Variants in ERC2 observed in about 807,000 individuals in gnomAD.
ERC2 encodes the protein ELKS/RAB6-interacting/CAST family member 2.
A neutral mutation model predicts 114.8 loss-of-function variants in ERC2; 42 were observed. That is an observed-to-expected ratio of 0.37 (90% CI 0.29 to 0.47). The LOEUF (loss-of-function observed/expected upper bound fraction) is 0.47. Among genes scored for constraint, ERC2 ranks in the 20% least tolerant of loss-of-function variants. ERC2 has a pLI of 0.99. For synonymous variants in ERC2, 454 were observed against 425.5 expected, an observed-to-expected ratio of 1.07 and a Z score of -0.82; for missense variants, 939 against 1,150.7, an observed-to-expected ratio of 0.82 and a Z score of 2.66.
At chr3:56,029,954 G>T (rs553743865) in intron 7 of ERC2, among the ~76,000 whole-genome samples, 371 of 152,110 alleles carry the variant, frequency 2.4e-3, no homozygotes, top group Non-Finnish European at 3.6e-3. Context: ...AGCATCCAAT[G>T]CTTACATTTT....
rs114402672 is a variant in ERC2 at position 56,064,561 on chromosome 3, C to T, written c.1641+16256G>A. On this transcript the variant is annotated intron_variant, in intron 7 of 17. Coordinates refer to ENST00000288221, the MANE Select transcript of ERC2 (RefSeq NM_015576.3). Reference sequence around the variant, plus strand: ...CTTTATTCACAAAAAAGCTACAGAACGCAACAGAAACTAAGGAAGACCTCA... The same window carrying T: ...CTTTATTCACAAAAAAGCTACAGAATGCAACAGAAACTAAGGAAGACCTCA... Among the ~76,000 whole-genome samples, 883 of 152,304 alleles carry T rather than the reference C, an allele frequency of 5.8e-3. 15 individuals carry two copies. The highest frequency in any genetic ancestry group is 0.02 in the African/African-American group (839 of 41,572).
At chr3:56,094,656 T>A (rs902129447) in intron 6 of ERC2, among the ~76,000 whole-genome samples, 1 of 152,218 alleles carries the variant, frequency 6.6e-6, no homozygotes, top group Non-Finnish European at 1.5e-5. Flanking sequence ...TGTACTGTAT[T>A]GAAACATATT....
intron 7 of ERC2, among the ~76,000 whole-genome samples, chr3:56,026,049 GTTTC>G (rs2074024225): frequency 2.5e-5 from 3 of 119,686 alleles, no homozygotes; most frequent in African/African-American, 6.4e-5. Flanking sequence ...CCCTTCCTCC[GTTTC>G]TTTCTTTTTT....
chr3:56,165,046 T>C (rs779765385), intron 4 of ERC2, among the ~76,000 whole-genome samples: 11 of 152,120 alleles, frequency 7.2e-5, no homozygotes, highest in South Asian at 2.1e-4. Flanking sequence ...AAATGATGAA[T>C]TGTGGTCAAG....
intron 3 of ERC2, among the ~76,000 whole-genome samples, chr3:56,205,060 T>C (rs2048640117): frequency 6.6e-6 from 1 of 152,130 alleles, no homozygotes; most frequent in Non-Finnish European, 1.5e-5. Flanking sequence ...TCCATAAAAC[T>C]CTGCCTTTTC....
In ERC2 at chr3:55,629,712, T is replaced by C. The variant is rs556514749; in HGVS notation, c.*39+54082A>G. On this transcript the variant is annotated intron_variant, in intron 17 of 17. Transcript: ENST00000288221. ...ATAAGGTACTTCTCATGAATAGATG[T>C]TCTACTGAAGACAGGCAAACATGTT... Among the ~76,000 whole-genome samples, 4 of 152,310 alleles carry C rather than the reference T, an allele frequency of 2.6e-5. No homozygotes were observed. In the East Asian group the frequency reaches 5.8e-4, roughly 22 times the overall value.
intron 15 of ERC2, among the ~76,000 whole-genome samples, chr3:55,733,405 C>T (rs951792300): frequency 6.6e-6 from 1 of 151,728 alleles, no homozygotes; most frequent in Non-Finnish European, 1.5e-5. Flanking sequence ...TGGTCTGTCT[C>T]TCTGTCTCTC....
At chr3:55,952,783 T>A (rs762820255) in intron 12 of ERC2, among the ~76,000 whole-genome samples, 2 of 152,102 alleles carry the variant, frequency 1.3e-5, no homozygotes, top group Non-Finnish European at 1.5e-5. Context: ...TCCCACAAAG[T>A]TCTTGGAGCA....
At chr3:55,909,865 TTG>T (rs1167388522) in intron 13 of ERC2, among the ~76,000 whole-genome samples, 1 of 152,164 alleles carries the variant, frequency 6.6e-6, no homozygotes, top group African/African-American at 2.4e-5. Flanking sequence ...TATTAGGTTT[TTG>T]CATCCAAATA....
chr3:56,370,599 T>TG (rs914583578), intron 2 of ERC2, among the ~76,000 whole-genome samples: 7 of 149,158 alleles, frequency 4.7e-5, no homozygotes, highest in African/African-American at 1.5e-4. Context: ...TTTTTTGTTT[T>TG]TTTTTTTTTT....
At chr3:55,591,856 C>T (rs900237040) in intron 17 of ERC2, among the ~76,000 whole-genome samples, 2 of 152,154 alleles carry the variant, frequency 1.3e-5, no homozygotes, top group Non-Finnish European at 2.9e-5. Context: ...AGTAGGTAAC[C>T]CCGTTGGGGA....
intron 17 of ERC2, among the ~76,000 whole-genome samples, chr3:55,627,241 GCA>G (rs1179413347): frequency 1.3e-5 from 2 of 152,184 alleles, no homozygotes; most frequent in African/African-American, 4.8e-5. Flanking sequence ...GCCAAGGCGG[GCA>G]GATCACCTGA....
At chr3:56,180,494 G>A (rs374563284) in intron 3 of ERC2, among the ~76,000 whole-genome samples, 11 of 152,152 alleles carry the variant, frequency 7.2e-5, no homozygotes, top group African/African-American at 1.9e-4. Context: ...ATAAAAGGAC[G>A]GAAATTTTAA....
chr3:56,054,848 C>T (rs193255690), intron 7 of ERC2, among the ~76,000 whole-genome samples: 4 of 152,292 alleles, frequency 2.6e-5, no homozygotes, highest in Non-Finnish European at 5.9e-5. Context: ...TTTCAAGATG[C>T]TTCCATTTTT....
intron 17 of ERC2, among the ~76,000 whole-genome samples, chr3:55,625,192 C>T (rs1469986213): frequency 6.6e-6 from 1 of 151,436 alleles, no homozygotes; most frequent in East Asian, 2.0e-4. Flanking sequence ...CATGGTGAAA[C>T]CCCATCTCTA....
intron 14 of ERC2, among the ~76,000 whole-genome samples, chr3:55,765,000 T>G (rs1429687926): frequency 6.6e-6 from 1 of 152,164 alleles, no homozygotes; most frequent in Non-Finnish European, 1.5e-5. Flanking sequence ...CCAAACTTTA[T>G]CAATTTCAAG....
In ERC2 at chr3:56,177,297, T is replaced by G. The variant is rs2083030023; in HGVS notation, c.1075-3777A>C. Among the ~76,000 whole-genome samples the G allele has an allele frequency of 3.3e-5, 5 of 152,292 alleles. No homozygotes were observed. In the South Asian group the frequency reaches 1.0e-3, roughly 32 times the overall value. On this transcript the variant is annotated intron_variant, in intron 3 of 17. Transcript: ENST00000288221. Reference sequence around the variant, plus strand: ...CAAATTTTCTAAACAGACAGTAGGATGAATTGGTTGCTGGAGGCTCCAACT... The same window carrying G: ...CAAATTTTCTAAACAGACAGTAGGAGGAATTGGTTGCTGGAGGCTCCAACT...
At chr3:55,953,993 C>T (rs1321624241) in intron 12 of ERC2, among the ~76,000 whole-genome samples, 1 of 146,644 alleles carries the variant, frequency 6.8e-6, no homozygotes, top group Non-Finnish European at 1.5e-5. Flanking sequence ...TGCCTTCTTA[C>T]TATCCTGCCC....
At chr3:55,954,911 T>C (rs2067834153) in intron 12 of ERC2, among the ~76,000 whole-genome samples, 2 of 151,796 alleles carry the variant, frequency 1.3e-5, no homozygotes, top group South Asian at 4.1e-4. Context: ...AATTTGAAAA[T>C]TGCCTAATCA....
Sources: gnomAD v4.1 joint callset for allele counts (sites outside exome capture counted in the v4.1 genomes callset) on GRCh38, gnomAD v4.1.1 for gene constraint, MANE v1.5 for transcripts, NCBI Gene and HGNC (gene_info 2026-07-23, HGNC 2026-07-21) for gene names.